The following TRIM26 variants were observed in gnomAD, a reference collection of about 807,000 sequenced individuals.
TRIM26 encodes the protein tripartite motif containing 26.
A neutral mutation model predicts 45.5 loss-of-function variants in TRIM26; 16 were observed. The ratio of observed to expected loss-of-function variants is 0.35; its 90% confidence interval spans 0.24 to 0.53. The LOEUF is 0.53. TRIM26 is among the 20% of genes least tolerant of loss of function. The pLI is 0.92. For synonymous variants in TRIM26, 273 were observed against 290.4 expected (o/e 0.94, Z 0.61); for missense variants, 442 against 691.1 (o/e 0.64, Z 4.04).
chr6:30,193,536 G>C (rs987574620), intron 6 of TRIM26, among the ~76,000 whole-genome samples: 1 of 151,854 alleles, frequency 6.6e-6, no homozygotes. Flanking sequence ...TTTTTGCTTA[G>C]GATTGCTTTG....
chr6:30,189,392 C>A lies in TRIM26; in HGVS notation c.904+26G>T. The stretch of plus-strand genomic sequence containing the variant: ...CGAGGTAGCCCTGCTCTGACTCCCA[C>A]CCTTTGTGCGCTCCCCAACCCTTAC... On this transcript the variant is annotated intron_variant, in intron 8 of 9. Transcript: ENST00000454678. This position sits in a 1 kb window ranked among gnomAD's most constrained non-coding sequence, Gnocchi z 5.0. The A allele has an allele frequency of 6.2e-7, 1 of 1,610,230 alleles. No individual in the cohort carries two copies.
At chr6:30,210,787 T>C (rs1489772498) in intron 1 of TRIM26, among the ~76,000 whole-genome samples, 1 of 152,250 alleles carries the variant, frequency 6.6e-6, no homozygotes, top group East Asian at 1.9e-4. Flanking sequence ...AACTATCTTG[T>C]ACTGTACTTA....
chr6:30,192,014 G>A (rs571141820), intron 6 of TRIM26, among the ~76,000 whole-genome samples: 17 of 152,342 alleles, frequency 1.1e-4, no homozygotes, highest in African/African-American at 4.1e-4. Context: ...GTCCTCTAAA[G>A]GTTAAAGGTT....
Position 30,198,680 on chromosome 6 carries a change from C to T in TRIM26, c.424G>A (p.Ala142Thr), listed in dbSNP as rs370667148. The T allele has an allele frequency of 2.5e-6, 4 of 1,604,062 alleles. No individual in the cohort carries two copies. The highest frequency in any genetic ancestry group is 1.7e-5 in the Admixed American group (1 of 59,918). Residue 142 changes from alanine to threonine, a missense_variant, in exon 4 of 10, where the codon GCC becomes ACC. Ala to Thr is a moderately conservative substitution (Grantham distance 58, BLOSUM62 0). Transcript: ENST00000454678. This position sits in a 1 kb window ranked among gnomAD's most constrained non-coding sequence, Gnocchi z 6.3. ...AGAGGGCTTACCCTGTGGGGCTGGGCGGCCTTCTCCATGAGGACGGCCGTG... is the reference window on the plus strand; with the variant it reads ...AGAGGGCTTACCCTGTGGGGCTGGGTGGCCTTCTCCATGAGGACGGCCGTG... ...PHTAVLMEKA[A>T]QPHREKILNH...
intron 1 of TRIM26, among the ~76,000 whole-genome samples, chr6:30,206,969 A>G (rs1203926040): frequency 1.3e-5 from 2 of 152,218 alleles, no homozygotes; most frequent in African/African-American, 4.8e-5. Context: ...GGCTCCTTCC[A>G]TTCCACCATA....
rs1164132923 is a variant in TRIM26 at position 30,189,930 on chromosome 6, C to T, written c.788+83G>A. On this transcript the variant is annotated intron_variant, in intron 7 of 9. Coordinates refer to ENST00000454678, the MANE Select transcript of TRIM26 (RefSeq NM_003449.5). This position sits in a 1 kb window ranked among gnomAD's most constrained non-coding sequence, Gnocchi z 5.0. ...GTACCTCTGGCACCATACCACTCCC[C>T]ATGAATTCAAATGCACCTGGTCAGA... The T allele has an allele frequency of 6.5e-7, 1 of 1,550,180 alleles. No individual in the cohort carries two copies. Among genetic ancestry groups the T allele is most frequent in the Non-Finnish European group, 8.9e-7 (1 of 1,123,866 alleles).
At chr6:30,192,175 C>G (rs1775916759) in intron 6 of TRIM26, among the ~76,000 whole-genome samples, 1 of 152,216 alleles carries the variant, frequency 6.6e-6, no homozygotes, top group African/African-American at 2.4e-5. Flanking sequence ...GGACTCTTCT[C>G]ACCCAAGACA....
intron 9 of TRIM26, chr6:30,187,352 T>TCGGG (rs1775296925): frequency 3.0e-6 from 1 of 331,278 alleles, no homozygotes; most frequent in African/African-American, 2.2e-5. Flanking sequence ...AAGAGGGCAT[T>TCGGG]CAGGCATTCG....
In TRIM26 at chr6:30,199,111, T is replaced by C. The variant is rs1333488319; in HGVS notation, c.-8A>G. On this transcript the variant is annotated 5_prime_UTR_variant, in exon 4 of 10. Coordinates refer to ENST00000454678, the MANE Select transcript of TRIM26 (RefSeq NM_003449.5). ...TGGGGCTGACGTGGCCATGGTATCC[T>C]TAGTTCAGAGAGGTCTCCGTTCACT... The C allele has an allele frequency of 3.9e-6, 6 of 1,546,516 alleles. No individual in the cohort carries two copies. The highest frequency in any genetic ancestry group is 5.2e-6 in the Non-Finnish European group (6 of 1,143,436).
chr6:30,186,398 G>GC lies in TRIM26; in HGVS notation c.1097dup (p.Lys367GlnfsTer15). 3 of 1,611,428 alleles carry GC rather than the reference G, an allele frequency of 1.9e-6. No individual in the cohort carries two copies. Among genetic ancestry groups the GC allele is most frequent in the Non-Finnish European group, 2.5e-6 (3 of 1,179,152 alleles). On this transcript the variant is annotated frameshift_variant, in exon 10 of 10. Transcript: ENST00000454678. LOFTEE classifies it low-confidence loss of function (END_TRUNC). This position sits in a 1 kb window ranked among gnomAD's most constrained non-coding sequence, Gnocchi z 7.4. ...CCACTTCCACTTCCCAGTAGACCTT[G>GC]CCCCAGGTGAAGCCCTTGCTGCCTA...
chr6:30,199,730 A>G (rs1334889171), intron 3 of TRIM26, among the ~76,000 whole-genome samples: 69 of 148,028 alleles, frequency 4.7e-4, no homozygotes, highest in Admixed American at 3.6e-3. Flanking sequence ...TCCGCCTCCC[A>G]GGTTCACACC....
At chr6:30,203,380 T>C (rs1777393617) in intron 2 of TRIM26, among the ~76,000 whole-genome samples, 1 of 152,000 alleles carries the variant, frequency 6.6e-6, no homozygotes, top group Admixed American at 6.6e-5. Context: ...ACTGAGGTTA[T>C]GTATGAGAAT....
intron 2 of TRIM26, among the ~76,000 whole-genome samples, chr6:30,201,385 A>G (rs1181374744): frequency 6.6e-6 from 1 of 152,244 alleles, no homozygotes; most frequent in Non-Finnish European, 1.5e-5. Flanking sequence ...TATAGTGCTG[A>G]TAATAAATTC....
intron 2 of TRIM26, among the ~76,000 whole-genome samples, chr6:30,202,941 C>T (rs1777332745): frequency 6.6e-6 from 1 of 151,398 alleles, no homozygotes; most frequent in African/African-American, 2.4e-5. Flanking sequence ...TGATTGGATC[C>T]TGTAAAAAGA....
At chr6:30,202,928 C>T (rs887957648) in intron 2 of TRIM26, among the ~76,000 whole-genome samples, 7 of 151,544 alleles carry the variant, frequency 4.6e-5, no homozygotes, top group African/African-American at 9.7e-5. Flanking sequence ...AATACGTGAA[C>T]CTTGATTGGA....
intron 9 of TRIM26, chr6:30,187,129 T>C: frequency 3.4e-6 from 1 of 294,362 alleles, no homozygotes; most frequent in Non-Finnish European, 6.7e-6. Flanking sequence ...TTGCATGGAC[T>C]CTACCCCAAT....
At chr6:30,194,200 CAGAT>C (rs1378186502) in intron 6 of TRIM26, among the ~76,000 whole-genome samples, 4 of 151,678 alleles carry the variant, frequency 2.6e-5, no homozygotes, top group Non-Finnish European at 4.4e-5. Context: ...CATCCATCAA[CAGAT>C]AGATAAAGAA....
At chr6:30,191,025 G>A (rs748944557) in intron 6 of TRIM26, among the ~76,000 whole-genome samples, 4 of 152,248 alleles carry the variant, frequency 2.6e-5, no homozygotes, top group Non-Finnish European at 2.9e-5. Flanking sequence ...AGGTTGGTCC[G>A]GAGGCTTTTG....
At chr6:30,212,906 T>C (rs1272881021) in intron 1 of TRIM26, among the ~76,000 whole-genome samples, 1 of 119,760 alleles carries the variant, frequency 8.4e-6, no homozygotes, top group Non-Finnish European at 1.7e-5. Flanking sequence ...TAAACCGGTT[T>C]ACTCCGAACA....
Sources: gnomAD v4.1 joint callset for allele counts (sites outside exome capture counted in the v4.1 genomes callset) on GRCh38, gnomAD v4.1.1 for gene constraint, Gnocchi (gnomAD v3.1) non-coding constraint, MANE v1.5 for transcripts, NCBI Gene and HGNC (gene_info 2026-07-23, HGNC 2026-07-21) for gene names.